Variants in GNAL observed in about 807,000 individuals in gnomAD.
GNAL encodes the protein guanine nucleotide-binding protein G(olf) subunit alpha.
Under a neutral mutation model 55.1 loss-of-function variants are expected in GNAL, and 18 were observed. That is an observed-to-expected ratio of 0.33 (90% CI 0.23 to 0.48). GNAL has a LOEUF of 0.48. GNAL is among the 20% of genes least tolerant of loss of function. The pLI, the probability that GNAL is intolerant of heterozygous loss-of-function variation, is 0.99. For missense variants in GNAL, 412 were observed against 614.1 expected (o/e 0.67, Z 3.48); for synonymous variants, 253 against 237.0 (o/e 1.07, Z -0.62).
chr18:11,707,255 T>C (rs150189856), intron 1 of GNAL, among the ~76,000 whole-genome samples: 1 of 152,310 alleles, frequency 6.6e-6, no homozygotes, highest in Admixed American at 6.5e-5. Context: ...ATGAAACATA[T>C]TTCTGAAATA....
chr18:11,823,143 T>G lies in GNAL; in HGVS notation c.625-1775T>G, dbSNP rs569935665. Among the ~76,000 whole-genome samples the G allele has an allele frequency of 2.6e-5, 4 of 152,320 alleles. No individual in the cohort carries two copies. In the East Asian group the frequency reaches 7.7e-4, roughly 29 times the overall value. ...AACGGCATAATGCAGGATTGATCTT[T>G]ACACGTGTGTGTGTGTGACGTGTGC... is the stretch of plus-strand genomic sequence containing the variant. On this transcript the variant is annotated intron_variant, in intron 4 of 11. Transcript: ENST00000334049.
intron 1 of GNAL, among the ~76,000 whole-genome samples, chr18:11,697,551 CA>C (rs775163423): frequency 1.5e-4 from 23 of 150,262 alleles, no homozygotes; most frequent in Non-Finnish European, 2.8e-4. Flanking sequence ...GAGCAAGACT[CA>C]GTCTCAGAAA....
At chr18:11,807,036 G>C (rs1451318925) in intron 4 of GNAL, among the ~76,000 whole-genome samples, 1 of 152,088 alleles carries the variant, frequency 6.6e-6, no homozygotes, top group African/African-American at 2.4e-5. Flanking sequence ...GCGCACGCCT[G>C]TAGTTCCAGC....
chr18:11,693,236 T>TA (rs2031309113), intron 1 of GNAL, among the ~76,000 whole-genome samples: 1 of 152,194 alleles, frequency 6.6e-6, no homozygotes, highest in African/African-American at 2.4e-5. Context: ...TGTGATGAGA[T>TA]ATGGTCTGAA....
chr18:11,740,164 AC>A (rs2032546335), intron 1 of GNAL, among the ~76,000 whole-genome samples: 1 of 151,984 alleles, frequency 6.6e-6, no homozygotes, highest in Non-Finnish European at 1.5e-5. Flanking sequence ...AGAATTCGTT[AC>A]AGTACTTAAC....
intron 4 of GNAL, among the ~76,000 whole-genome samples, chr18:11,759,706 C>G (rs60025683): frequency 1.3e-5 from 2 of 152,322 alleles, no homozygotes; most frequent in Middle Eastern, 3.4e-3. Flanking sequence ...GAGCCAAGTG[C>G]GGTGCCCAGC....
At position 11,880,975 on chromosome 18, in the gene GNAL, G is replaced by A. The variant is rs191510381; in HGVS notation, c.1231-14G>A. 4.9e-4 allele frequency: 788 copies of A among 1,612,350 alleles called. 4 individuals carry two copies. The African/African-American group carries it at 8.8e-3, about 18-fold the overall frequency. ...GGGGCCGCGCAGGGCTAGTGCACAC[G>A]CTCTCTCTTGCAGAGGATCAGCACG... On this transcript the variant is annotated splice_polypyrimidine_tract_variant and intron_variant, in intron 11 of 11. Transcript: ENST00000334049.
intron 1 of GNAL, among the ~76,000 whole-genome samples, chr18:11,698,490 C>CAA (rs201762409): frequency 0.021 from 1,837 of 88,352 alleles, 107 homozygotes; most frequent in African/African-American, 0.069. Flanking sequence ...GACTCTGTCT[C>CAA]AAAAAAAAAA....
intron 1 of GNAL, among the ~76,000 whole-genome samples, chr18:11,714,122 C>T (rs1384658401): frequency 6.6e-6 from 1 of 152,202 alleles, no homozygotes; most frequent in Admixed American, 6.5e-5. Context: ...TCCCACCCTT[C>T]CTATAAATAC....
chr18:11,796,575 CAAAA>C (rs760136358), intron 4 of GNAL, among the ~76,000 whole-genome samples: 2 of 58,944 alleles, frequency 3.4e-5, no homozygotes, highest in Admixed American at 4.2e-4. Flanking sequence ...CTCCTTCTCA[CAAAA>C]AAAAAAAAAA....
intron 4 of GNAL, among the ~76,000 whole-genome samples, chr18:11,790,399 A>G (rs886395430): frequency 8.5e-5 from 13 of 152,184 alleles, no homozygotes; most frequent in African/African-American, 3.1e-4. Flanking sequence ...TCTGACATCA[A>G]TGTGTCCTTG....
chr18:11,865,210 G>A lies in GNAL; in HGVS notation c.851+604G>A, dbSNP rs1401603905. Among the ~76,000 whole-genome samples, 10 of 132,702 alleles carry A rather than the reference G, an allele frequency of 7.5e-5. 2 individuals are homozygous for A. The highest frequency in any genetic ancestry group is 1.7e-4 in the Admixed American group (2 of 11,754). 87.1% of individuals were successfully genotyped at this position (132,702 alleles called of 152,430 possible). A position where few individuals can be genotyped will look rare whatever the true frequency, so the allele number is the denominator to read the frequency against. ...ATCTTCCTACGGCACGGCCTGGATC[G>A]TGCTGTTCCTCTGCTGAAGAAGGTT... is the stretch of plus-strand genomic sequence containing the variant. On this transcript the variant is annotated intron_variant, in intron 7 of 11. Transcript: ENST00000334049.
intron 10 of GNAL, 88 bp downstream of exon 10, chr18:11,872,486 A>G (rs1418321341): frequency 1.1e-5 from 9 of 824,322 alleles, no homozygotes; most frequent in African/African-American, 3.6e-5. Flanking sequence ...CCTCTGATGA[A>G]TCAAAGAAAT....
At chr18:11,758,703 C>T (rs2033142517) in intron 4 of GNAL, among the ~76,000 whole-genome samples, 1 of 152,174 alleles carries the variant, frequency 6.6e-6, no homozygotes, top group Admixed American at 6.5e-5. Context: ...CATGAATACA[C>T]CCAAAGCTTC....
chr18:11,755,475 C>T (rs1434086617), intron 4 of GNAL, among the ~76,000 whole-genome samples: 1 of 152,152 alleles, frequency 6.6e-6, no homozygotes, highest in Non-Finnish European at 1.5e-5. Flanking sequence ...TGGGGTTTCA[C>T]CGTGTTAGCC....
Position 11,884,683 on chromosome 18 carries a change from C to T in GNAL, c.*3548C>T. 6.4e-7 allele frequency: 1 copy of T among 1,555,272 alleles called. No homozygotes were observed. Among genetic ancestry groups the T allele is most frequent in the Non-Finnish European group, 8.8e-7 (1 of 1,132,096 alleles). On this transcript the variant is annotated 3_prime_UTR_variant, in exon 12 of 12. Transcript: ENST00000334049. ...AGCACCAGGCACACGTTGAACACCG[C>T]AGTCTTAGAAACAGCAGAGGGAAGA... is the stretch of plus-strand genomic sequence containing the variant.
chr18:11,774,097 T>A (rs1320957523), intron 4 of GNAL, among the ~76,000 whole-genome samples: 2 of 152,138 alleles, frequency 1.3e-5, no homozygotes, highest in Non-Finnish European at 2.9e-5. Flanking sequence ...AAACATTCAG[T>A]AAATGTGAGA....
intron 11 of GNAL, among the ~76,000 whole-genome samples, chr18:11,880,750 C>T (rs972831252): frequency 3.9e-5 from 6 of 152,112 alleles, no homozygotes; most frequent in Admixed American, 2.6e-4. Flanking sequence ...ACTTGCCTGC[C>T]GGGGCTTTCT....
chr18:11,856,379 A>G (rs2036008665), intron 5 of GNAL, among the ~76,000 whole-genome samples: 1 of 151,226 alleles, frequency 6.6e-6, no homozygotes, highest in African/African-American at 2.5e-5. Flanking sequence ...GGCTCCTTGC[A>G]CTGCATAGCA....
Sources: gnomAD v4.1 joint callset for allele counts (sites outside exome capture counted in the v4.1 genomes callset) on GRCh38, gnomAD v4.1.1 for gene constraint, MANE v1.5 for transcripts, NCBI Gene and HGNC (gene_info 2026-07-23, HGNC 2026-07-21) for gene names.